Variants in ADAMTS12 observed in about 807,000 individuals in gnomAD.
ADAMTS12 encodes the protein A disintegrin and metalloproteinase with thrombospondin motifs 12.
In ADAMTS12, 118 loss-of-function variants were observed where a neutral mutation model predicts 167.8. That is an observed-to-expected ratio of 0.70 (90% CI 0.61 to 0.82). The LOEUF (loss-of-function observed/expected upper bound fraction) is 0.82, where lower values mean the gene tolerates loss of function less well. ADAMTS12 is among the 40% of genes least tolerant of loss of function. ADAMTS12 has a pLI of 0.00. For missense variants in ADAMTS12, 1,916 were observed against 1,998.8 expected, an observed-to-expected ratio of 0.96 and a Z score of 0.79; for synonymous variants, 704 against 716.9, an observed-to-expected ratio of 0.98 and a Z score of 0.29.
intron 22 of ADAMTS12, among the ~76,000 whole-genome samples, chr5:33,542,130 A>C (rs1199930049): frequency 2.0e-5 from 3 of 152,114 alleles, no homozygotes; most frequent in African/African-American, 7.2e-5. Context: ...TCAAAAAAAA[A>C]GGGATGGAGG....
intron 7 of ADAMTS12, among the ~76,000 whole-genome samples, chr5:33,655,273 T>A (rs1049870877): frequency 6.6e-6 from 1 of 152,090 alleles, no homozygotes; most frequent in African/African-American, 2.4e-5. Context: ...ACCTGGGATT[T>A]CTCCAGAGCC....
At chr5:33,766,538 C>T (rs907677941) in intron 2 of ADAMTS12, among the ~76,000 whole-genome samples, 1 of 151,998 alleles carries the variant, frequency 6.6e-6, no homozygotes, top group African/African-American at 2.4e-5. Flanking sequence ...ATGTTGGTTC[C>T]TTAGTTTTGA....
At chr5:33,742,108 T>C (rs1302479237) in intron 3 of ADAMTS12, among the ~76,000 whole-genome samples, 1 of 152,162 alleles carries the variant, frequency 6.6e-6, no homozygotes, top group Non-Finnish European at 1.5e-5. Context: ...TGTCCCTTAG[T>C]ATCTGACAAA....
rs756351049 is a variant in ADAMTS12 at position 33,576,230 on chromosome 5, G to A, written c.3796C>T (p.Arg1266Cys). The stretch of plus-strand genomic sequence containing the variant: ...TTGTTTGGAAGTTTCAGGTGGTTAC[G>A]GTTTGCCGTCTTTCCTGAGGGTTCT... The part of the protein sequence containing the change: ...QPEPSGKTAN[R>C]NHLKLPNNMN... Residue 1266 changes from arginine to cysteine, a missense_variant, in exon 19 of 24, where the codon CGT becomes TGT. Coordinates refer to ENST00000504830, the MANE Select transcript of ADAMTS12 (RefSeq NM_030955.4). 4.0e-5 allele frequency: 64 copies of A among 1,614,080 alleles called. No individual in the cohort carries two copies. The highest frequency in any genetic ancestry group is 3.6e-5 in the Non-Finnish European group (43 of 1,180,040).
intron 3 of ADAMTS12, among the ~76,000 whole-genome samples, chr5:33,723,007 A>G (rs1743858114): frequency 6.6e-6 from 1 of 152,164 alleles, no homozygotes; most frequent in Non-Finnish European, 1.5e-5. Context: ...GATGGGGAAG[A>G]TGACAGTGGC....
At chr5:33,685,254 G>C (rs11739910) in intron 3 of ADAMTS12, among the ~76,000 whole-genome samples, 30,685 of 152,172 alleles carry the variant, frequency 0.2, 3,184 homozygotes, top group East Asian at 0.25. Flanking sequence ...CTTCCAGCAG[G>C]AGGAAGGGAC....
At chr5:33,718,727 C>T (rs1231061737) in intron 3 of ADAMTS12, among the ~76,000 whole-genome samples, 10 of 152,060 alleles carry the variant, frequency 6.6e-5, no homozygotes, top group African/African-American at 2.4e-4. Context: ...TTCTGGGGGC[C>T]GCAAACTGGT....
At chr5:33,812,101 TAAAG>T (rs2112488833) in intron 2 of ADAMTS12, among the ~76,000 whole-genome samples, 1 of 152,042 alleles carries the variant, frequency 6.6e-6, no homozygotes, top group South Asian at 2.1e-4. Context: ...GCCTGGGCAA[TAAAG>T]AAAGACCTCG....
intron 2 of ADAMTS12, among the ~76,000 whole-genome samples, chr5:33,784,021 G>GTTC (rs1341942780): frequency 2.0e-5 from 3 of 151,792 alleles, no homozygotes; most frequent in African/African-American, 7.2e-5. Context: ...GGCCAAGTGA[G>GTTC]ATTTACCCAT....
At chr5:33,715,705 C>T (rs576016021) in intron 3 of ADAMTS12, among the ~76,000 whole-genome samples, 2 of 152,214 alleles carry the variant, frequency 1.3e-5, no homozygotes, top group East Asian at 1.9e-4. Flanking sequence ...ATGAATCCCA[C>T]AAAGAACGCA....
intron 3 of ADAMTS12, among the ~76,000 whole-genome samples, chr5:33,749,953 C>G (rs1744919850): frequency 6.6e-6 from 1 of 152,102 alleles, no homozygotes; most frequent in Admixed American, 6.6e-5. Context: ...AGTAAGTGTC[C>G]AGTCAAGATC....
chr5:33,744,161 C>T, intron 3 of ADAMTS12, among the ~76,000 whole-genome samples: 1 of 152,202 alleles, frequency 6.6e-6, no homozygotes, highest in East Asian at 1.9e-4. Flanking sequence ...CCCAACTGAG[C>T]TTCTTGTCTA....
At chr5:33,744,384 G>C in intron 3 of ADAMTS12, among the ~76,000 whole-genome samples, 1 of 152,160 alleles carries the variant, frequency 6.6e-6, no homozygotes, top group East Asian at 1.9e-4. Context: ...ATAAAAATGA[G>C]GTCAGGATGG....
chr5:33,551,861 C>T (rs1006393933), intron 20 of ADAMTS12, among the ~76,000 whole-genome samples: 4 of 152,322 alleles, frequency 2.6e-5, no homozygotes, highest in African/African-American at 7.2e-5. Context: ...CCAGTCCTAA[C>T]GCTCTTTTGC....
At chr5:33,553,205 T>C (rs989706069) in intron 20 of ADAMTS12, among the ~76,000 whole-genome samples, 1 of 151,954 alleles carries the variant, frequency 6.6e-6, no homozygotes, top group Non-Finnish European at 1.5e-5. Flanking sequence ...TATTAAAAAG[T>C]AAAAAAATAA....
At chr5:33,848,279 G>C (rs1240743630) in intron 2 of ADAMTS12, among the ~76,000 whole-genome samples, 1 of 151,710 alleles carries the variant, frequency 6.6e-6, no homozygotes, top group African/African-American at 2.4e-5. Context: ...ACCACCACCA[G>C]CCACCTTGGA....
intron 3 of ADAMTS12, among the ~76,000 whole-genome samples, chr5:33,686,226 A>G (rs1187680746): frequency 6.6e-6 from 1 of 152,074 alleles, no homozygotes; most frequent in Non-Finnish European, 1.5e-5. Context: ...TGGCCCCCGC[A>G]GGCTCAGCCT....
intron 14 of ADAMTS12, among the ~76,000 whole-genome samples, chr5:33,623,880 C>T (rs13184524): frequency 0.093 from 14,149 of 152,242 alleles, 710 homozygotes; most frequent in Middle Eastern, 0.17. Flanking sequence ...AGTTCTTGGT[C>T]TGTTCCAATG....
chr5:33,570,614 C>A (rs949856934), intron 19 of ADAMTS12, among the ~76,000 whole-genome samples: 22 of 152,072 alleles, frequency 1.4e-4, no homozygotes, highest in African/African-American at 2.9e-4. Context: ...CATGGAAAGG[C>A]ACAACCGGTA....
Sources: gnomAD v4.1 joint callset for allele counts (sites outside exome capture counted in the v4.1 genomes callset) on GRCh38, gnomAD v4.1.1 for gene constraint, MANE v1.5 for transcripts, NCBI Gene and HGNC (gene_info 2026-07-23, HGNC 2026-07-21) for gene names.